Variants in NTM observed in about 807,000 individuals in gnomAD.
The protein encoded by NTM is IgLON family member 2.
Under a neutral mutation model 42.1 loss-of-function variants are expected in NTM, and 13 were observed. The observed-to-expected ratio is 0.31, with a 90% CI of 0.20 to 0.49. The LOEUF (loss-of-function observed/expected upper bound fraction) is 0.49. NTM is among the 20% of genes least tolerant of loss of function. The pLI, the probability that NTM is intolerant of heterozygous loss-of-function variation, is 0.99. For missense variants in NTM, 373 were observed against 452.8 expected, an observed-to-expected ratio of 0.82 and a Z score of 1.60; for synonymous variants, 187 against 179.2, an observed-to-expected ratio of 1.04 and a Z score of -0.35.
intron 1 of NTM, among the ~76,000 whole-genome samples, chr11:131,714,311 C>G (rs1792827518): frequency 6.6e-6 from 1 of 152,094 alleles, no homozygotes; most frequent in African/African-American, 2.4e-5. Context: ...ACTTTAGCCT[C>G]CCAAGTAGCT....
At chr11:131,560,938 C>T (rs536866932) in intron 1 of NTM, among the ~76,000 whole-genome samples, 2 of 152,042 alleles carry the variant, frequency 1.3e-5, no homozygotes, top group African/African-American at 4.8e-5. Context: ...CTTTCCCATG[C>T]CCCCAGGCTG....
chr11:131,919,635 T>C (rs1565737371), intron 2 of NTM, among the ~76,000 whole-genome samples: 1 of 152,178 alleles, frequency 6.6e-6, no homozygotes, highest in Non-Finnish European at 1.5e-5. Flanking sequence ...CCACCCTGCA[T>C]TTAAACAGGA....
At chr11:131,426,265 T>A (rs1214343334) in intron 1 of NTM, among the ~76,000 whole-genome samples, 1 of 152,128 alleles carries the variant, frequency 6.6e-6, no homozygotes, top group Non-Finnish European at 1.5e-5. Context: ...CATACACACA[T>A]TTCTTTGTGG....
At chr11:131,477,772 C>T (rs1454719893) in intron 1 of NTM, among the ~76,000 whole-genome samples, 1 of 151,764 alleles carries the variant, frequency 6.6e-6, no homozygotes, top group Non-Finnish European at 1.5e-5. Context: ...GATAAAACTG[C>T]ATGTATCAGT....
intron 1 of NTM, among the ~76,000 whole-genome samples, chr11:131,400,979 C>CCACACA (rs56256717): frequency 7.1e-6 from 1 of 141,646 alleles, no homozygotes; most frequent in East Asian, 2.0e-4. Context: ...CTGCCACCTG[C>CCACACA]CACACACACA....
At chr11:132,073,624 C>G (rs2057991369) in intron 2 of NTM, among the ~76,000 whole-genome samples, 1 of 152,170 alleles carries the variant, frequency 6.6e-6, no homozygotes, top group Non-Finnish European at 1.5e-5. Context: ...CAAAACTCCA[C>G]TAGGAAACTC....
chr11:131,741,210 G>GT (rs1192785546), intron 1 of NTM, among the ~76,000 whole-genome samples: 2 of 134,520 alleles, frequency 1.5e-5, no homozygotes, highest in African/African-American at 5.7e-5. Context: ...AGAGAGAGAT[G>GT]TTTTTTGGAG....
chr11:131,627,665 T>C (rs1054190783), intron 1 of NTM, among the ~76,000 whole-genome samples: 25 of 151,888 alleles, frequency 1.6e-4, no homozygotes, highest in African/African-American at 5.8e-4. Context: ...ACCCCATCTC[T>C]ACAAAAAATA....
intron 4 of NTM, among the ~76,000 whole-genome samples, chr11:132,228,216 G>A (rs1160422567): frequency 1.3e-5 from 2 of 152,136 alleles, no homozygotes; most frequent in Non-Finnish European, 2.9e-5. Flanking sequence ...AGGGCTCTGG[G>A]GAAAATACCT....
chr11:131,552,095 T>C (rs572757830), intron 1 of NTM, among the ~76,000 whole-genome samples: 15 of 149,592 alleles, frequency 1.0e-4, no homozygotes, highest in African/African-American at 3.7e-4. Flanking sequence ...AAGACCACAG[T>C]GGAATAAAAA....
intron 1 of NTM, among the ~76,000 whole-genome samples, chr11:131,558,138 G>A (rs945491655): frequency 2.0e-5 from 3 of 152,140 alleles, no homozygotes; most frequent in African/African-American, 7.2e-5. Flanking sequence ...TCTGTGCAAG[G>A]CGGATGCTTG....
chr11:131,721,723 G>T (rs778512929), intron 1 of NTM, among the ~76,000 whole-genome samples: 9 of 152,082 alleles, frequency 5.9e-5, no homozygotes, highest in Non-Finnish European at 1.2e-4. Flanking sequence ...CGGGCCAGGA[G>T]CAGTGGCTCA....
intron 1 of NTM, among the ~76,000 whole-genome samples, chr11:131,468,949 C>T (rs898026923): frequency 6.6e-6 from 1 of 152,238 alleles, no homozygotes; most frequent in African/African-American, 2.4e-5. Context: ...GATTCTTGTC[C>T]ATTTAAGGCA....
chr11:131,464,941 C>G (rs1486879611), intron 1 of NTM, among the ~76,000 whole-genome samples: 1 of 152,192 alleles, frequency 6.6e-6, no homozygotes, highest in Admixed American at 6.5e-5. Context: ...GTTTCTAGAA[C>G]TGTGATTTAG....
At chr11:131,995,994 A>G (rs1245106870) in intron 2 of NTM, among the ~76,000 whole-genome samples, 2 of 152,164 alleles carry the variant, frequency 1.3e-5, no homozygotes, top group Non-Finnish European at 2.9e-5. Flanking sequence ...TTTCCTGAGA[A>G]AGGAACTCAG....
chr11:132,058,072 T>G (rs1361311256), intron 2 of NTM, among the ~76,000 whole-genome samples: 1 of 152,244 alleles, frequency 6.6e-6, no homozygotes, highest in Admixed American at 6.5e-5. Flanking sequence ...CTGTTAGCTC[T>G]GATCCCTCTG....
intron 2 of NTM, among the ~76,000 whole-genome samples, chr11:132,022,359 A>G (rs970196817): frequency 2.0e-5 from 3 of 152,240 alleles, no homozygotes; most frequent in African/African-American, 7.2e-5. Context: ...TTTCTTTGCC[A>G]TAACAGAAGT....
intron 1 of NTM, among the ~76,000 whole-genome samples, chr11:131,446,975 C>T (rs1402208135): frequency 6.6e-6 from 1 of 152,130 alleles, no homozygotes; most frequent in African/African-American, 2.4e-5. Flanking sequence ...AAAAGAATGT[C>T]AGAAAGGAAA....
At chr11:132,226,165 T>C (rs1161538773) in intron 4 of NTM, among the ~76,000 whole-genome samples, 4 of 152,234 alleles carry the variant, frequency 2.6e-5, no homozygotes, top group African/African-American at 9.6e-5. Flanking sequence ...AGTTCCGTAA[T>C]AAACATACAA....
Sources: allele counts gnomAD v4.1 joint callset (sites outside exome capture counted in the v4.1 genomes callset), GRCh38; gene constraint gnomAD v4.1.1; transcripts MANE v1.5; gene names NCBI Gene and HGNC (gene_info 2026-07-23, HGNC 2026-07-21).